The following VWC2L variants were observed in gnomAD, a reference collection of about 807,000 sequenced individuals.
VWC2L encodes the protein von Willebrand factor C domain containing 2 like.
VWC2L carries 10 observed loss-of-function variants against 21.6 expected under a neutral mutation model. That is an observed-to-expected ratio of 0.46 (90% CI 0.29 to 0.78). The LOEUF (loss-of-function observed/expected upper bound fraction) is 0.78, where lower values mean the gene tolerates loss of function less well. Among genes scored for constraint, VWC2L ranks in the 30% least tolerant of loss-of-function variants. The probability of loss-of-function intolerance (pLI) is 0.10; values close to 1 mark genes in which losing one functional copy is unlikely to be tolerated. For missense variants in VWC2L, 209 were observed against 277.1 expected (o/e 0.75, Z 1.74); for synonymous variants, 96 against 94.3 (o/e 1.02, Z -0.10).
At chr2:214,416,008 A>G (rs930851104) in intron 2 of VWC2L, among the ~76,000 whole-genome samples, 5 of 152,096 alleles carry the variant, frequency 3.3e-5, no homozygotes, top group Admixed American at 1.3e-4. Flanking sequence ...TTTTAATGTC[A>G]TCTTAATGGA....
chr2:214,511,596 C>T (rs1008746590), intron 3 of VWC2L, among the ~76,000 whole-genome samples: 10 of 152,072 alleles, frequency 6.6e-5, no homozygotes, highest in Non-Finnish European at 1.2e-4. Context: ...GAAACTGAAT[C>T]GGCCATCACC....
At chr2:214,471,179 C>T (rs1286981102) in intron 3 of VWC2L, among the ~76,000 whole-genome samples, 1 of 152,100 alleles carries the variant, frequency 6.6e-6, no homozygotes. Context: ...CTCTGAGCTG[C>T]ATTACATTCC....
chr2:214,538,244 T>C (rs2105919638), intron 3 of VWC2L, among the ~76,000 whole-genome samples: 1 of 152,186 alleles, frequency 6.6e-6, no homozygotes, highest in East Asian at 1.9e-4. Flanking sequence ...CTCACAGACC[T>C]GGAAGCTGCT....
At chr2:214,466,790 CCT>C (rs1308521100) in intron 3 of VWC2L, among the ~76,000 whole-genome samples, 12 of 152,238 alleles carry the variant, frequency 7.9e-5, no homozygotes, top group Non-Finnish European at 1.3e-4. Flanking sequence ...TAAATGTCCC[CCT>C]GTTTCTACTT....
At position 214,544,198 on chromosome 2, in the gene VWC2L, G is replaced by T. The variant is rs557149561; in HGVS notation, c.521-31474G>T. ...GGGGAAAGGGAGTGACTCCAGGAAT[G>T]GATTGCCGTGCCATATTCCTAGCAT... is the stretch of plus-strand genomic sequence containing the variant. On this transcript the variant is annotated intron_variant, in intron 3 of 3. Coordinates refer to ENST00000312504, the MANE Select transcript of VWC2L (RefSeq NM_001080500.4). Among the ~76,000 whole-genome samples, 403 of 152,296 alleles carry T rather than the reference G, an allele frequency of 2.6e-3. 2 individuals carry two copies. In the Middle Eastern group the frequency reaches 0.027, roughly 10 times the overall value.
At chr2:214,537,239 G>C (rs932880780) in intron 3 of VWC2L, among the ~76,000 whole-genome samples, 6 of 152,038 alleles carry the variant, frequency 3.9e-5, no homozygotes, top group African/African-American at 4.8e-5. Context: ...CCAGGAGAAT[G>C]CTTGCTATTT....
At chr2:214,519,102 A>G (rs1274662925) in intron 3 of VWC2L, among the ~76,000 whole-genome samples, 3 of 152,236 alleles carry the variant, frequency 2.0e-5, no homozygotes, top group African/African-American at 7.2e-5. Context: ...CATGAAAGAC[A>G]TGCTGCTTTA....
intron 3 of VWC2L, among the ~76,000 whole-genome samples, chr2:214,549,273 T>C (rs1689755810): frequency 6.6e-6 from 1 of 152,202 alleles, no homozygotes; most frequent in Admixed American, 6.5e-5. Context: ...TAAGGTGACA[T>C]ATTTACAGGT....
chr2:214,542,772 GGT>G (rs1188510396), intron 3 of VWC2L, among the ~76,000 whole-genome samples: 5 of 152,084 alleles, frequency 3.3e-5, no homozygotes, highest in African/African-American at 1.2e-4. Flanking sequence ...TCCCAGGGGT[GGT>G]TAAAGCTAAT....
intron 3 of VWC2L, among the ~76,000 whole-genome samples, chr2:214,550,321 TAAA>T (rs1689773649): frequency 6.6e-6 from 1 of 152,216 alleles, no homozygotes; most frequent in African/African-American, 2.4e-5. Flanking sequence ...AAAAGAAATA[TAAA>T]CATTCTTAAT....
intron 3 of VWC2L, among the ~76,000 whole-genome samples, chr2:214,504,598 C>A (rs1032840033): frequency 6.6e-6 from 1 of 152,142 alleles, no homozygotes; most frequent in Non-Finnish European, 1.5e-5. Context: ...AGGGTCTGAA[C>A]AAAGCTGAAA....
At chr2:214,421,788 A>AG (rs1233728647) in intron 2 of VWC2L, among the ~76,000 whole-genome samples, 3 of 151,764 alleles carry the variant, frequency 2.0e-5, no homozygotes, top group Non-Finnish European at 4.4e-5. Context: ...GATATGTTAA[A>AG]AAAAATTGCC....
At chr2:214,488,449 A>C (rs1688701484) in intron 3 of VWC2L, among the ~76,000 whole-genome samples, 2 of 152,106 alleles carry the variant, frequency 1.3e-5, no homozygotes, top group South Asian at 4.1e-4. Flanking sequence ...AAATACAAGA[A>C]TTAGCCAGCC....
In VWC2L at chr2:214,522,720, C is replaced by G. The variant is rs4673852; in HGVS notation, c.521-52952C>G. On this transcript the variant is annotated intron_variant, in intron 3 of 3. Coordinates refer to ENST00000312504, the MANE Select transcript of VWC2L (RefSeq NM_001080500.4). ...GGATAGATTTTTTAAAACATACTAC[C>G]TAATTATCATTACAAGCTACATAAA... Among the ~76,000 whole-genome samples, 259 of 152,150 alleles carry G rather than the reference C, an allele frequency of 1.7e-3. 1 individual carries two copies. The highest frequency in any genetic ancestry group is 6.0e-3 in the African/African-American group (251 of 41,512).
At chr2:214,426,171 C>CAAAAAAAA (rs34411661) in intron 2 of VWC2L, among the ~76,000 whole-genome samples, 4 of 69,954 alleles carry the variant, frequency 5.7e-5, no homozygotes, top group African/African-American at 1.8e-4. Context: ...GGCTTCGTCT[C>CAAAAAAAA]AAAAAAAAAA....
At chr2:214,519,188 C>T (rs10932538) in intron 3 of VWC2L, among the ~76,000 whole-genome samples, 3 of 152,030 alleles carry the variant, frequency 2.0e-5, no homozygotes, top group Non-Finnish European at 4.4e-5. Flanking sequence ...AATTGCAAAG[C>T]CTGTTCTTTT....
At chr2:214,468,836 G>A (rs925434376) in intron 3 of VWC2L, among the ~76,000 whole-genome samples, 2 of 152,132 alleles carry the variant, frequency 1.3e-5, no homozygotes, top group African/African-American at 4.8e-5. Flanking sequence ...CATTTTAAAA[G>A]CTAGATTATC....
At chr2:214,533,909 A>C (rs781718957) in intron 3 of VWC2L, 1 of 152,322 alleles carries the variant, frequency 6.6e-6, no homozygotes, top group Admixed American at 6.6e-5. Context: ...CCTTCTAATA[A>C]ATATTTCTAA....
chr2:214,439,497 T>C (rs1200372428), intron 3 of VWC2L, among the ~76,000 whole-genome samples: 2 of 151,968 alleles, frequency 1.3e-5, no homozygotes, highest in African/African-American at 4.8e-5. Context: ...TTCTAACCTA[T>C]AAACAGTCAT....
Sources: gnomAD v4.1 joint callset for allele counts (sites outside exome capture counted in the v4.1 genomes callset) on GRCh38, gnomAD v4.1.1 for gene constraint, MANE v1.5 for transcripts, NCBI Gene and HGNC (gene_info 2026-07-23, HGNC 2026-07-21) for gene names.